EXOC4: variants seen among roughly 807,000 people sequenced by gnomAD.
EXOC4 encodes the protein SEC8-like 1.
A neutral mutation model predicts 107.2 loss-of-function variants in EXOC4; 71 were observed. The ratio of observed to expected loss-of-function variants is 0.66; its 90% CI spans 0.55 to 0.81. The LOEUF (loss-of-function observed/expected upper bound fraction) is 0.81, where lower values mean the gene tolerates loss of function less well. Among genes scored for constraint, EXOC4 ranks in the 30% least tolerant of loss-of-function variants. EXOC4 has a pLI of 0.00. For missense variants in EXOC4, 1,108 were observed against 1,189.6 expected (o/e 0.93, Z 1.01); for synonymous variants, 456 against 441.2 (o/e 1.03, Z -0.42).
intron 9 of EXOC4, among the ~76,000 whole-genome samples, chr7:133,513,942 G>A (rs1362829214): frequency 6.6e-6 from 1 of 152,144 alleles, no homozygotes; most frequent in Non-Finnish European, 1.5e-5. Flanking sequence ...GTTCCATTGG[G>A]TAGTGTTTTC....
intron 9 of EXOC4, among the ~76,000 whole-genome samples, chr7:133,488,401 G>A (rs1463862967): frequency 6.6e-6 from 1 of 152,038 alleles, no homozygotes; most frequent in Admixed American, 6.6e-5. Flanking sequence ...GTGGGGGTGA[G>A]GATTCAACCT....
At chr7:133,457,109 C>T (rs1208819691) in intron 7 of EXOC4, among the ~76,000 whole-genome samples, 5 of 152,026 alleles carry the variant, frequency 3.3e-5, no homozygotes, top group Admixed American at 2.6e-4. Context: ...TTGTGTTGGG[C>T]CTTGAAAGGT....
intron 9 of EXOC4, among the ~76,000 whole-genome samples, chr7:133,615,004 C>T (rs2151000504): frequency 6.6e-6 from 1 of 152,168 alleles, no homozygotes; most frequent in Non-Finnish European, 1.5e-5. Flanking sequence ...GATAATCTGG[C>T]AGAAGGGTTC....
intron 10 of EXOC4, among the ~76,000 whole-genome samples, chr7:133,700,653 ATAAT>A (rs1307837807): frequency 6.6e-6 from 1 of 152,200 alleles, no homozygotes; most frequent in Non-Finnish European, 1.5e-5. Flanking sequence ...AGATCATACT[ATAAT>A]AAATAATAGA....
intron 6 of EXOC4, among the ~76,000 whole-genome samples, chr7:133,372,091 TATG>T (rs1040254633): frequency 6.6e-6 from 1 of 152,194 alleles, no homozygotes. Flanking sequence ...GTCTTTTTAT[TATG>T]AGTGTAAGAT....
chr7:133,619,153 G>C (rs7779631), intron 9 of EXOC4, among the ~76,000 whole-genome samples: 30,153 of 152,044 alleles, frequency 0.2, 3,240 homozygotes, highest in African/African-American at 0.24. Flanking sequence ...TGCTGTTTCT[G>C]TTTAGATGCC....
At chr7:133,253,392 G>A (rs1487829039) in intron 1 of EXOC4, 3 of 1,327,542 alleles carry the variant, frequency 2.3e-6, no homozygotes, top group Admixed American at 3.6e-5. Flanking sequence ...ATAGAGAGAG[G>A]AGCCCCGCCT....
At chr7:133,581,611 A>T (rs1801273735) in intron 9 of EXOC4, among the ~76,000 whole-genome samples, 4 of 150,890 alleles carry the variant, frequency 2.7e-5, no homozygotes, top group Non-Finnish European at 4.4e-5. Context: ...ACAAAAAATT[A>T]GCCGGGCGTG....
At chr7:133,286,690 A>G (rs1794286076) in intron 2 of EXOC4, among the ~76,000 whole-genome samples, 1 of 152,194 alleles carries the variant, frequency 6.6e-6, no homozygotes, top group African/African-American at 2.4e-5. Context: ...GAGAAGCCAT[A>G]TGTCTCTTGT....
intron 7 of EXOC4, among the ~76,000 whole-genome samples, chr7:133,454,349 G>A (rs925942544): frequency 1.3e-5 from 2 of 151,888 alleles, no homozygotes; most frequent in African/African-American, 4.8e-5. Flanking sequence ...CCCAGGTTGG[G>A]GTGCAATGGT....
intron 12 of EXOC4, among the ~76,000 whole-genome samples, chr7:133,908,912 C>T (rs1001812999): frequency 6.6e-6 from 1 of 152,034 alleles, no homozygotes; most frequent in African/African-American, 2.4e-5. Context: ...TCAGTATACA[C>T]GGGCCGTGGT....
chr7:133,686,827 T>C (rs908450980), intron 10 of EXOC4, among the ~76,000 whole-genome samples: 7 of 152,108 alleles, frequency 4.6e-5, no homozygotes, highest in Non-Finnish European at 7.4e-5. Flanking sequence ...AAAGTAGAAG[T>C]ACCTTTTGAT....
chr7:133,701,854 C>G (rs192226758), intron 10 of EXOC4, among the ~76,000 whole-genome samples: 5 of 152,104 alleles, frequency 3.3e-5, no homozygotes, highest in Admixed American at 6.5e-5. Context: ...GATAATTTTG[C>G]GCATATAACA....
chr7:133,473,112 G>A (rs2150845158), intron 7 of EXOC4, among the ~76,000 whole-genome samples: 1 of 152,092 alleles, frequency 6.6e-6, no homozygotes, highest in East Asian at 1.9e-4. Context: ...TTCTTTTCTG[G>A]TTTACCAGTC....
At chr7:133,693,720 G>A (rs1274696674) in intron 10 of EXOC4, among the ~76,000 whole-genome samples, 7 of 152,172 alleles carry the variant, frequency 4.6e-5, no homozygotes, top group South Asian at 2.1e-4. Context: ...AAAAATAGCC[G>A]TGTAGATAAA....
At chr7:133,312,158 T>G (rs763060204) in intron 4 of EXOC4, among the ~76,000 whole-genome samples, 9 of 152,186 alleles carry the variant, frequency 5.9e-5, no homozygotes, top group Non-Finnish European at 1.2e-4. Flanking sequence ...AGCTTAAATG[T>G]TCATCAAGAG....
At chr7:133,416,108 T>G (rs1797469264) in intron 7 of EXOC4, among the ~76,000 whole-genome samples, 1 of 152,184 alleles carries the variant, frequency 6.6e-6, no homozygotes. Context: ...GTTTTCATTT[T>G]AGGAGCAAGG....
intron 10 of EXOC4, among the ~76,000 whole-genome samples, chr7:133,759,227 C>T (rs1795984499): frequency 6.6e-6 from 1 of 151,298 alleles, no homozygotes; most frequent in Non-Finnish European, 1.5e-5. Flanking sequence ...AAGCAGTCCT[C>T]CTGCTTTTAT....
intron 1 of EXOC4, among the ~76,000 whole-genome samples, chr7:133,265,829 T>C (rs1178258151): frequency 6.6e-6 from 1 of 152,166 alleles, no homozygotes; most frequent in Non-Finnish European, 1.5e-5. Flanking sequence ...AAAATTCAGG[T>C]GTATTACATT....
Sources: gnomAD v4.1 joint callset for allele counts (sites outside exome capture counted in the v4.1 genomes callset) on GRCh38, gnomAD v4.1.1 for gene constraint, MANE v1.5 for transcripts, NCBI Gene and HGNC (gene_info 2026-07-23, HGNC 2026-07-21) for gene names.